ZBTB49: variants seen among roughly 807,000 people sequenced by gnomAD.
The protein encoded by ZBTB49 is zinc finger and BTB domain containing 49, also known as zinc finger and BTB domain-containing protein 49.
ZBTB49 carries 43 observed loss-of-function variants against 57.5 expected under a neutral mutation model. The ratio of observed to expected loss-of-function variants is 0.75; its 90% confidence interval spans 0.59 to 0.97. ZBTB49 has a LOEUF of 0.97. Among genes scored for constraint, ZBTB49 ranks in the 50% least tolerant of loss-of-function variants. ZBTB49 has a pLI of 0.00. For missense variants in ZBTB49, 938 were observed against 947.7 expected, an observed-to-expected ratio of 0.99 and a Z score of 0.13; for synonymous variants, 369 against 362.1, an observed-to-expected ratio of 1.02 and a Z score of -0.22.
chr4:4,302,216 G>T lies in ZBTB49; in HGVS notation c.380G>T (p.Gly127Val), dbSNP rs754078015. Residue 127 changes from glycine (G) to valine (V), a missense_variant, in exon 3 of 8, where the codon GGC becomes GTC. Transcript: ENST00000337872. Reference protein sequence around the residue: ...LKSATVVQPPGMPCNSTLSLQ... With the variant: ...LKSATVVQPPVMPCNSTLSLQ... ...TCAGCCACTGTAGTACAGCCACCTG[G>T]CATGCCTTGTAATAGTACATTGTCT... 6.2e-7 allele frequency: 1 copy of T among 1,614,112 alleles called. No individual in the cohort carries two copies. The highest frequency in any genetic ancestry group is 8.5e-7 in the Non-Finnish European group (1 of 1,180,056).
rs2916472 is a variant in ZBTB49, at chr4:4,307,166, C to A, written c.1302+982C>A. On this transcript the variant is annotated intron_variant, in intron 4 of 7. Coordinates refer to ENST00000337872, the MANE Select transcript of ZBTB49 (RefSeq NM_145291.4). ...GGGATTCACCAAGTCCTCGCCGTCT[C>A]TCATCGCGTACTCGGTCGGGTCATG... is the stretch of plus-strand genomic sequence containing the variant. Among the ~76,000 whole-genome samples the A allele has an allele frequency of 3.5e-3, 528 of 152,360 alleles. 3 individuals carry two copies. Among genetic ancestry groups the A allele is most frequent in the African/African-American group, 0.012 (500 of 41,586 alleles).
intron 5 of ZBTB49, among the ~76,000 whole-genome samples, chr4:4,314,201 GT>G (rs1721096560): frequency 6.6e-6 from 1 of 152,250 alleles, no homozygotes; most frequent in East Asian, 1.9e-4. Context: ...TGAAAGTCAA[GT>G]TCAGGGCCCA....
chr4:4,315,676 C>T lies in ZBTB49; in HGVS notation c.1417C>T (p.His473Tyr), dbSNP rs946453375. Residue 473 changes from histidine to tyrosine, a missense_variant, in exon 6 of 8, where the codon CAC (histidine) becomes TAC (tyrosine). His to Tyr is a moderately conservative substitution (Grantham distance 83, BLOSUM62 2). Coordinates refer to ENST00000337872, the MANE Select transcript of ZBTB49 (RefSeq NM_145291.4). ...CGACGTCCAGCGTCACATTATTATT[C>T]ACTCAGGAGAAAAACCACACTTGTG... The part of the protein sequence containing the change: ...SGDVQRHIII[H>Y]SGEKPHLCDI... The T allele has an allele frequency of 6.2e-7, 1 of 1,614,184 alleles. No individual in the cohort carries two copies. Among genetic ancestry groups the T allele is most frequent in the African/African-American group, 1.3e-5 (1 of 75,048 alleles).
In ZBTB49 at chr4:4,321,262, T is replaced by A; in HGVS notation, c.2244T>A (p.Thr748=). Residue 748 remains threonine, a synonymous_variant, in exon 8 of 8, where the codon ACT becomes ACA. Coordinates refer to ENST00000337872, the MANE Select transcript of ZBTB49 (RefSeq NM_145291.4). ...AGGGTCAGTTTTTCTCCAGCATGAC[T>A]CTCTGGGGGCTAGCGATGAAGACGC... ...NSEGQFFSSM[T]LWGLAMKTLQ... The A allele has an allele frequency of 1.2e-6, 2 of 1,613,910 alleles. No homozygotes were observed. The highest frequency in any genetic ancestry group is 2.2e-5 in the South Asian group (2 of 91,080).
chr4:4,317,265 T>C (rs922992531), intron 7 of ZBTB49, among the ~76,000 whole-genome samples: 4 of 152,156 alleles, frequency 2.6e-5, no homozygotes, highest in Non-Finnish European at 5.9e-5. Context: ...GGTCAGCTTC[T>C]GGGGGATGGG....
chr4:4,311,283 A>G (rs1367371417), intron 4 of ZBTB49, among the ~76,000 whole-genome samples: 1 of 152,252 alleles, frequency 6.6e-6, no homozygotes, highest in Non-Finnish European at 1.5e-5. Flanking sequence ...TTCATTCAGA[A>G]TACATAGTTT....
chr4:4,292,974 C>T lies in ZBTB49; in HGVS notation c.-20+2622C>T, dbSNP rs181879122. Among the ~76,000 whole-genome samples, 196 of 152,176 alleles carry T rather than the reference C, an allele frequency of 1.3e-3. 1 individual carries two copies. The highest frequency in any genetic ancestry group is 4.0e-3 in the African/African-American group (165 of 41,520). Reference sequence around the variant, plus strand: ...TTCCCCCCATATTTTCATTTTTTGACGCCATTCATACCATCTTTCCACCAT... The same window carrying T: ...TTCCCCCCATATTTTCATTTTTTGATGCCATTCATACCATCTTTCCACCAT... On this transcript the variant is annotated intron_variant, in intron 1 of 7. Transcript: ENST00000337872.
Position 4,320,838 on chromosome 4 carries a change from A to G in ZBTB49, c.1820A>G (p.Asp607Gly), listed in dbSNP as rs780634793. The G allele has an allele frequency of 4.3e-6, 7 of 1,614,136 alleles. No homozygotes were observed. The highest frequency in any genetic ancestry group is 5.9e-6 in the Non-Finnish European group (7 of 1,180,022). Residue 607 changes from aspartate to glycine, a missense_variant, in exon 8 of 8, where the codon GAC (aspartate) becomes GGC (glycine). Around this residue, in one of 3 missense-constraint regions of ZBTB49, gnomAD observed 835 missense variants for 819.1 expected, o/e 1.02. Transcript: ENST00000337872. ...EELSQAIETSDLEKSQSSDSF... is the reference protein window; with the variant it reads ...EELSQAIETSGLEKSQSSDSF... ...CTCAGCCAAGCCATCGAGACCTCCG[A>G]CCTCGAGAAATCTCAGAGCTCAGAC...
At chr4:4,300,204 T>G in intron 2 of ZBTB49, 107 bp downstream of exon 2, 1 of 1,224,842 alleles carries the variant, frequency 8.2e-7, no homozygotes, top group Non-Finnish European at 1.1e-6. Context: ...TCTTTATCTT[T>G]TATAGCACAT....
chr4:4,299,207 G>A (rs1720363025), intron 1 of ZBTB49, among the ~76,000 whole-genome samples: 1 of 151,532 alleles, frequency 6.6e-6, no homozygotes, highest in Non-Finnish European at 1.5e-5. Context: ...TCAGAGACTT[G>A]GTGCTTGCTG....
chr4:4,306,059 A>T, intron 3 of ZBTB49, 79 bp from the exon 4 acceptor site: 1 of 1,183,784 alleles, frequency 8.4e-7, no homozygotes. Context: ...TTGAAAGTAC[A>T]TAGGAGGTCA....
At chr4:4,303,837 C>G (rs1036204627) in intron 3 of ZBTB49, among the ~76,000 whole-genome samples, 11 of 149,614 alleles carry the variant, frequency 7.4e-5, no homozygotes, top group Non-Finnish European at 1.6e-4. Context: ...ATATATATTA[C>G]TTTTCTTCCT....
chr4:4,311,071 G>A (rs961255865), intron 4 of ZBTB49, among the ~76,000 whole-genome samples: 3 of 152,072 alleles, frequency 2.0e-5, no homozygotes, highest in African/African-American at 7.2e-5. Context: ...TCAGAAATAT[G>A]CATTCCTGTA....
Position 4,321,138 on chromosome 4 carries a change from A to G in ZBTB49, c.2120A>G (p.Asp707Gly). 1 of 1,614,170 alleles carries G rather than the reference A, an allele frequency of 6.2e-7. No homozygotes were observed. The highest frequency in any genetic ancestry group is 8.5e-7 in the Non-Finnish European group (1 of 1,180,022). Residue 707 changes from aspartate to glycine, a missense_variant, in exon 8 of 8, where the codon GAT (aspartate) becomes GGT (glycine). By Grantham distance (94) the Asp-to-Gly change is moderately conservative (BLOSUM62 -1). This residue lies in a region of ZBTB49 where 835 missense variants were observed against 819.1 expected (regional missense o/e 1.02). Transcript: ENST00000337872. ...GCCGGTGGCGAACCACTGCAGGCCGATGGCATGGCCATGATCCGTTCCTCT... is the reference window on the plus strand; with the variant it reads ...GCCGGTGGCGAACCACTGCAGGCCGGTGGCATGGCCATGATCCGTTCCTCT... ...TPAGGEPLQA[D>G]GMAMIRSSLA...
At position 4,302,851 on chromosome 4, in the gene ZBTB49, T is replaced by G; in HGVS notation, c.1015T>G (p.Ser339Ala). The change falls in exon 3 of 8, where the codon TCT becomes GCT. Residue 339 changes from serine to alanine, a missense_variant. Around this residue, in one of 3 missense-constraint regions of ZBTB49, gnomAD observed 835 missense variants for 819.1 expected, o/e 1.02. Transcript: ENST00000337872. ...SDDGLTKRLESASKNTLEKAS... is the reference protein window; with the variant it reads ...SDDGLTKRLEAASKNTLEKAS... The stretch of plus-strand genomic sequence containing the variant: ...TGATGGTTTGACAAAGAGGTTGGAA[T>G]CTGCTAGTAAAAATACCCTAGAGAA... 6.2e-7 allele frequency: 1 copy of G among 1,613,810 alleles called. No homozygotes were observed. Among genetic ancestry groups the G allele is most frequent in the Non-Finnish European group, 8.5e-7 (1 of 1,179,766 alleles).
intron 7 of ZBTB49, among the ~76,000 whole-genome samples, chr4:4,318,547 G>T (rs112024853): frequency 1.3e-5 from 2 of 152,326 alleles, no homozygotes; most frequent in Admixed American, 6.5e-5. Context: ...GACGGAGGTT[G>T]CAGTGAGCCG....
intron 5 of ZBTB49, 125 bp downstream of exon 5, chr4:4,313,239 A>G (rs2108894730): frequency 1.1e-6 from 1 of 928,446 alleles, no homozygotes; most frequent in East Asian, 2.6e-5. Flanking sequence ...CTGCCACTGC[A>G]GAACACAGGT....
chr4:4,311,429 T>G (rs1021206188), intron 4 of ZBTB49, among the ~76,000 whole-genome samples: 1 of 152,236 alleles, frequency 6.6e-6, no homozygotes, highest in Non-Finnish European at 1.5e-5. Flanking sequence ...TTTTTAACTC[T>G]CCAGTATGTG....
Position 4,303,110 on chromosome 4 carries a change from A to G in ZBTB49, c.1255+19A>G. The G allele has an allele frequency of 6.4e-7, 1 of 1,563,162 alleles. No individual in the cohort carries two copies. On this transcript the variant is annotated intron_variant, in intron 3 of 7. Transcript: ENST00000337872. ...CATACAGGTAACTGATTCAGTACCC[A>G]CAGGCAGAAGGGAAGGACGTAATGC...
Sources: gnomAD v4.1 joint callset for allele counts (sites outside exome capture counted in the v4.1 genomes callset) on GRCh38, gnomAD v4.1.1 for gene constraint, gnomAD v4.1.1 regional missense constraint, MANE v1.5 for transcripts, NCBI Gene and HGNC (gene_info 2026-07-23, HGNC 2026-07-21) for gene names.